The following PTGER3 variants were observed in gnomAD, a reference collection of about 807,000 sequenced individuals.
PTGER3 encodes prostaglandin E receptor 3.
In PTGER3, 22 loss-of-function variants were observed where a neutral mutation model predicts 34.7. The observed-to-expected ratio is 0.63, with a 90% CI of 0.45 to 0.91. The LOEUF is 0.91. Ranked by LOEUF, PTGER3 falls within the 40% of genes least tolerant of loss-of-function variation. The pLI is 0.00. For missense variants in PTGER3, 468 were observed against 519.4 expected (o/e 0.90, Z 0.96); for synonymous variants, 241 against 230.1 (o/e 1.05, Z -0.43).
intron 2 of PTGER3, among the ~76,000 whole-genome samples, chr1:70,986,146 A>T (rs1654888321): frequency 1.3e-5 from 2 of 152,104 alleles, no homozygotes. Flanking sequence ...CACGGCAACA[A>T]CAGGAAGTTA....
chr1:70,943,932 G>A lies in PTGER3; in HGVS notation c.*23+9831C>T, dbSNP rs116121637. Among the ~76,000 whole-genome samples, 439 of 151,720 alleles carry A rather than the reference G, an allele frequency of 2.9e-3. 4 individuals are homozygous for A. Among genetic ancestry groups the A allele is most frequent in the African/African-American group, 0.01 (417 of 41,380 alleles). Reference sequence around the variant, plus strand: ...CATTTCGGTTCCTTATGAGGCCTATGGCACTCCTTGCTCTTGGGTTCCATG... The same window carrying A: ...CATTTCGGTTCCTTATGAGGCCTATAGCACTCCTTGCTCTTGGGTTCCATG... On this transcript the variant is annotated intron_variant, in intron 4 of 4. Coordinates refer to the PTGER3 transcript ENST00000370931.
intron 3 of PTGER3, among the ~76,000 whole-genome samples, chr1:70,972,190 G>A (rs1653157215): frequency 6.6e-6 from 1 of 152,054 alleles, no homozygotes; most frequent in African/African-American, 2.4e-5. Flanking sequence ...GGGTGTGGTG[G>A]TGTGCACCTG....
At chr1:70,967,357 T>C (rs1447031105), downstream of PTGER3, among the ~76,000 whole-genome samples, 1 of 152,136 alleles carries the variant, frequency 6.6e-6, no homozygotes, top group Non-Finnish European at 1.5e-5. Flanking sequence ...CTAGGCTCTA[T>C]AGGTTCTCTG....
chr1:70,896,329 G>A (rs1451449828), intron 4 of PTGER3, among the ~76,000 whole-genome samples: 2 of 152,162 alleles, frequency 1.3e-5, no homozygotes, highest in East Asian at 3.9e-4. Context: ...TCAAAGGGGG[G>A]AAATTTGGAC....
intron 1 of PTGER3, among the ~76,000 whole-genome samples, chr1:71,022,314 A>C (rs1458702904): frequency 7.6e-6 from 1 of 131,894 alleles, no homozygotes; most frequent in Non-Finnish European, 1.8e-5. Flanking sequence ...AAGCAGTCTG[A>C]CACTCTGTAT....
At chr1:70,967,681 A>G (rs888432496), downstream of PTGER3, among the ~76,000 whole-genome samples, 1 of 152,186 alleles carries the variant, frequency 6.6e-6, no homozygotes, top group Admixed American at 6.5e-5. Flanking sequence ...ATACCTGCAT[A>G]ATGACAATTA....
chr1:70,982,107 G>C (rs544654788), intron 2 of PTGER3, among the ~76,000 whole-genome samples: 1 of 152,178 alleles, frequency 6.6e-6, no homozygotes, highest in South Asian at 2.1e-4. Flanking sequence ...TATAAAGCTA[G>C]GTGCCTAGGA....
intron 4 of PTGER3, among the ~76,000 whole-genome samples, chr1:70,871,072 A>C (rs1646152101): frequency 6.6e-6 from 1 of 152,092 alleles, no homozygotes; most frequent in Non-Finnish European, 1.5e-5. Context: ...CATTACTCTA[A>C]AGAAATACCT....
At chr1:71,035,898 A>C (rs574230477) in intron 1 of PTGER3, among the ~76,000 whole-genome samples, 2 of 152,266 alleles carry the variant, frequency 1.3e-5, no homozygotes, top group South Asian at 4.2e-4. Context: ...ACTCGTCATA[A>C]ATGACCTTTT....
chr1:70,922,091 C>A (rs1439576347), intron 4 of PTGER3, among the ~76,000 whole-genome samples: 1 of 152,204 alleles, frequency 6.6e-6, no homozygotes, highest in South Asian at 2.1e-4. Flanking sequence ...TTGCTAAATG[C>A]TTTAAGGTCA....
At chr1:70,927,083 C>T (rs922280877) in intron 4 of PTGER3, among the ~76,000 whole-genome samples, 120 of 152,260 alleles carry the variant, frequency 7.9e-4, no homozygotes, top group Non-Finnish European at 1.0e-3. Flanking sequence ...TTCAGTTTGC[C>T]AGTATTTTAT....
chr1:70,943,112 A>C (rs1161867788), intron 4 of PTGER3, among the ~76,000 whole-genome samples: 2 of 152,142 alleles, frequency 1.3e-5, no homozygotes, highest in African/African-American at 4.8e-5. Context: ...TCAGTGATTT[A>C]CTTGTCTGTC....
intron 2 of PTGER3, among the ~76,000 whole-genome samples, chr1:70,976,651 A>G (rs1653734463): frequency 6.6e-6 from 1 of 152,152 alleles, no homozygotes; most frequent in South Asian, 2.1e-4. Context: ...CAAATCATAA[A>G]TATCTTTGAA....
intron 4 of PTGER3, among the ~76,000 whole-genome samples, chr1:70,886,542 T>C (rs1646502525): frequency 2.0e-5 from 3 of 152,192 alleles, no homozygotes; most frequent in Non-Finnish European, 4.4e-5. Flanking sequence ...CAGGTTTCCA[T>C]CTAAATGTCA....
At chr1:70,963,543 G>A (rs143777497) in intron 2 of PTGER3, among the ~76,000 whole-genome samples, 12 of 152,182 alleles carry the variant, frequency 7.9e-5, no homozygotes, top group Admixed American at 4.6e-4. Context: ...GCCCAACACC[G>A]TGTGGAAGCT....
At chr1:70,924,131 T>C (rs765976412) in intron 4 of PTGER3, among the ~76,000 whole-genome samples, 1 of 152,132 alleles carries the variant, frequency 6.6e-6, no homozygotes, top group Non-Finnish European at 1.5e-5. Context: ...TGTAGGTATC[T>C]GAGTGTGGAT....
intron 3 of PTGER3, 147 bp downstream of exon 3, chr1:70,974,150 A>G (rs1204907343): frequency 1.6e-6 from 2 of 1,218,498 alleles, no homozygotes; most frequent in Non-Finnish European, 2.2e-6. Context: ...CAACTCCTCT[A>G]AGGAATCTAG....
intron 4 of PTGER3, among the ~76,000 whole-genome samples, chr1:70,854,153 A>G (rs1040994791): frequency 2.4e-4 from 36 of 152,192 alleles, no homozygotes; most frequent in African/African-American, 8.4e-4. Flanking sequence ...CCTTTTGCAC[A>G]TGAAAGGAAG....
chr1:70,923,460 A>G (rs1358221559), intron 4 of PTGER3, among the ~76,000 whole-genome samples: 3 of 152,148 alleles, frequency 2.0e-5, no homozygotes, highest in Admixed American at 2.0e-4. Context: ...AGATGATTTT[A>G]TAGTCAACTG....
Sources: gnomAD v4.1 joint callset for allele counts (sites outside exome capture counted in the v4.1 genomes callset) on GRCh38, gnomAD v4.1.1 for gene constraint, MANE v1.5 for transcripts, NCBI Gene and HGNC (gene_info 2026-07-23, HGNC 2026-07-21) for gene names.